The following PPM1H variants were observed in gnomAD, a reference collection of about 807,000 sequenced individuals.
PPM1H encodes protein phosphatase, Mg2+/Mn2+ dependent 1H, also known as protein phosphatase 1H.
A neutral mutation model predicts 54.9 loss-of-function variants in PPM1H; 27 were observed. The observed-to-expected ratio is 0.49, with a 90% CI of 0.36 to 0.68. The LOEUF is 0.68. PPM1H is among the 30% of genes least tolerant of loss of function. The probability of loss-of-function intolerance (pLI) is 0.00; values close to 1 mark genes in which losing one functional copy is unlikely to be tolerated. For synonymous variants in PPM1H, 305 were observed against 270.8 expected, an observed-to-expected ratio of 1.13 and a Z score of -1.24; for missense variants, 596 against 667.8, an observed-to-expected ratio of 0.89 and a Z score of 1.19.
At chr12:62,712,617 A>T (rs191015347) in intron 6 of PPM1H, among the ~76,000 whole-genome samples, 2 of 152,316 alleles carry the variant, frequency 1.3e-5, no homozygotes, top group Non-Finnish European at 2.9e-5. Flanking sequence ...AAGCAGAAAG[A>T]GGGAAAAGTA....
chr12:62,853,214 G>T (rs1313121430), intron 1 of PPM1H, among the ~76,000 whole-genome samples: 1 of 152,038 alleles, frequency 6.6e-6, no homozygotes, highest in East Asian at 1.9e-4. Flanking sequence ...ATATTTAAGG[G>T]TTAGATAATT....
chr12:62,867,564 A>ATTTTTTTTTTTTTTTT lies in PPM1H; in HGVS notation c.246-35301_246-35286dup, dbSNP rs34772338. 6.9e-4 allele frequency among the ~76,000 whole-genome samples: 38 copies of ATTTTTTTTTTTTTTTT among 55,370 alleles called. 9 individuals carry two copies. Among genetic ancestry groups the ATTTTTTTTTTTTTTTT allele is most frequent in the African/African-American group, 1.5e-3 (23 of 15,610 alleles). The allele number at this position is 55,370 out of a possible 152,430, so 36.3% of individuals were successfully genotyped here. A position where few individuals can be genotyped will look rare whatever the true frequency, so the allele number is the denominator to read the frequency against. ...TCCTGAAATACATCTTATGAGCACT[A>ATTTTTTTTTTTTTTTT]TTTTTTTTTTTTTTTTTTTTTTTTT... On this transcript the variant is annotated intron_variant, in intron 1 of 9. Coordinates refer to ENST00000228705, the MANE Select transcript of PPM1H (RefSeq NM_020700.2).
chr12:62,889,189 T>C (rs1335373965), intron 1 of PPM1H, among the ~76,000 whole-genome samples: 1 of 152,192 alleles, frequency 6.6e-6, no homozygotes, highest in African/African-American at 2.4e-5. Flanking sequence ...TGATATCAGA[T>C]ATTCCCAACT....
intron 1 of PPM1H, among the ~76,000 whole-genome samples, chr12:62,860,510 T>A (rs1458719098): frequency 6.6e-6 from 1 of 152,106 alleles, no homozygotes; most frequent in Admixed American, 6.5e-5. Flanking sequence ...AAACTGATAA[T>A]TATGGGAAAA....
chr12:62,763,288 G>GC (rs1395951327), intron 4 of PPM1H, among the ~76,000 whole-genome samples: 2 of 152,204 alleles, frequency 1.3e-5, no homozygotes, highest in Non-Finnish European at 2.9e-5. Flanking sequence ...TGGCTGTTGA[G>GC]CCCCTCCAAG....
intron 5 of PPM1H, among the ~76,000 whole-genome samples, chr12:62,723,133 C>A (rs1410646295): frequency 1.3e-5 from 2 of 152,120 alleles, no homozygotes; most frequent in South Asian, 2.1e-4. Context: ...AGGTTGTTTA[C>A]CCTCATGATT....
At chr12:62,855,103 AC>A (rs60042790) in intron 1 of PPM1H, among the ~76,000 whole-genome samples, 3,507 of 152,242 alleles carry the variant, frequency 0.023, 144 homozygotes, top group African/African-American at 0.08. Flanking sequence ...TAAAGAATGT[AC>A]TGATCCCAGT....
intron 9 of PPM1H, 105 bp from the exon 10 acceptor site, chr12:62,648,741 GT>G: frequency 8.0e-7 from 1 of 1,248,772 alleles, no homozygotes; most frequent in East Asian, 2.4e-5. Context: ...GTATAAATAA[GT>G]TTCAAATACA....
At chr12:62,907,263 G>T (rs1281477837) in intron 1 of PPM1H, among the ~76,000 whole-genome samples, 2 of 152,204 alleles carry the variant, frequency 1.3e-5, no homozygotes, top group Non-Finnish European at 2.9e-5. Flanking sequence ...GCATGTGCCA[G>T]GCACTGCAGA....
At chr12:62,898,134 G>A (rs1871052826) in intron 1 of PPM1H, among the ~76,000 whole-genome samples, 2 of 152,126 alleles carry the variant, frequency 1.3e-5, no homozygotes, top group Non-Finnish European at 2.9e-5. Context: ...TCCTTAAATG[G>A]TGGCAATAAA....
intron 4 of PPM1H, among the ~76,000 whole-genome samples, chr12:62,740,777 A>G (rs927767604): frequency 6.6e-6 from 1 of 152,220 alleles, no homozygotes; most frequent in African/African-American, 2.4e-5. Context: ...TGATTAAAAA[A>G]TGCAGAATTT....
At chr12:62,813,148 G>A (rs1486197824) in intron 2 of PPM1H, among the ~76,000 whole-genome samples, 1 of 152,070 alleles carries the variant, frequency 6.6e-6, no homozygotes, top group East Asian at 1.9e-4. Context: ...TTCCTGTGGA[G>A]ACCAACAGAA....
At chr12:62,785,954 G>A (rs2076668425) in intron 4 of PPM1H, among the ~76,000 whole-genome samples, 1 of 152,158 alleles carries the variant, frequency 6.6e-6, no homozygotes, top group African/African-American at 2.4e-5. Context: ...GGGAAGTTGA[G>A]TTAACTTCTG....
intron 1 of PPM1H, among the ~76,000 whole-genome samples, chr12:62,863,399 G>T (rs1379266535): frequency 6.6e-6 from 1 of 152,112 alleles, no homozygotes; most frequent in African/African-American, 2.4e-5. Flanking sequence ...GACTTTATAG[G>T]CCACATATTC....
In PPM1H at chr12:62,801,854, G is replaced by C. The variant is rs1283883906; in HGVS notation, c.718C>G (p.Leu240Val). 2 of 1,613,816 alleles carry C rather than the reference G, an allele frequency of 1.2e-6. No homozygotes were observed. The highest frequency in any genetic ancestry group is 2.7e-5 in the African/African-American group (2 of 74,936). ...GCACTTTCAAGCGCTCCGATGACCA[G>C]GCACTCATGGGGAATCTTCTTCTCG... ...FTEKKIPHECLVIGALESAFK... is the reference protein window; with the variant it reads ...FTEKKIPHECVVIGALESAFK... The change falls in exon 3 of 10, where the codon CTG becomes GTG. Residue 240 changes from leucine (L) to valine (V), a missense_variant. By Grantham distance (32) the Leu-to-Val change is conservative. This residue lies in a region of PPM1H where 382 missense variants were observed against 387.1 expected (regional missense o/e 0.99). Transcript: ENST00000228705.
At chr12:62,787,442 G>A (rs555445508) in intron 4 of PPM1H, among the ~76,000 whole-genome samples, 2 of 152,288 alleles carry the variant, frequency 1.3e-5, no homozygotes, top group Non-Finnish European at 2.9e-5. Context: ...GTGGAGAAGT[G>A]TGTAATACAT....
At chr12:62,846,975 T>G (rs1382911475) in intron 1 of PPM1H, among the ~76,000 whole-genome samples, 1 of 152,158 alleles carries the variant, frequency 6.6e-6, no homozygotes, top group Non-Finnish European at 1.5e-5. Context: ...CAGAGATGTT[T>G]TTATCTGCCC....
At chr12:62,764,875 G>A (rs1432990547) in intron 4 of PPM1H, among the ~76,000 whole-genome samples, 1 of 152,220 alleles carries the variant, frequency 6.6e-6, no homozygotes, top group African/African-American at 2.4e-5. Context: ...GCAACTGCAT[G>A]TGTGAAGGCC....
intron 2 of PPM1H, among the ~76,000 whole-genome samples, chr12:62,824,782 C>T (rs1056857006): frequency 4.6e-5 from 7 of 152,050 alleles, no homozygotes; most frequent in African/African-American, 1.7e-4. Context: ...ATGTTAGACC[C>T]AAAATCATAA....
Sources: allele counts gnomAD v4.1 joint callset (sites outside exome capture counted in the v4.1 genomes callset), GRCh38; gene constraint gnomAD v4.1.1; regional missense constraint gnomAD v4.1.1; transcripts MANE v1.5; gene names NCBI Gene and HGNC (gene_info 2026-07-23, HGNC 2026-07-21).